Variants in ARL15 observed in about 807,000 individuals in gnomAD.
ARL15 encodes the protein ARF like GTPase 15.
ARL15 carries 19 observed loss-of-function variants against 25.2 expected under a neutral mutation model. The observed-to-expected ratio is 0.75, with a 90% CI of 0.53 to 1.10. The LOEUF is 1.10. Ranked by LOEUF, ARL15 falls within the 50% of genes least tolerant of loss-of-function variation. The probability of loss-of-function intolerance (pLI) is 0.00; values close to 1 mark genes in which losing one functional copy is unlikely to be tolerated. For missense variants in ARL15, 220 were observed against 246.0 expected, an observed-to-expected ratio of 0.89 and a Z score of 0.71; for synonymous variants, 94 against 86.8, an observed-to-expected ratio of 1.08 and a Z score of -0.46.
At chr5:54,019,051 T>A (rs1749509895) in intron 4 of ARL15, among the ~76,000 whole-genome samples, 1 of 152,186 alleles carries the variant, frequency 6.6e-6, no homozygotes, top group Non-Finnish European at 1.5e-5. Context: ...TGCATTGGCA[T>A]CTTAACTACT....
chr5:54,089,758 A>G (rs1180235937), intron 4 of ARL15, among the ~76,000 whole-genome samples: 2 of 152,150 alleles, frequency 1.3e-5, no homozygotes, highest in Non-Finnish European at 2.9e-5. Flanking sequence ...GATGAAAGAA[A>G]TTTTCATCTG....
intron 4 of ARL15, among the ~76,000 whole-genome samples, chr5:54,083,269 G>C (rs1042674250): frequency 6.6e-6 from 1 of 152,194 alleles, no homozygotes; most frequent in South Asian, 2.1e-4. Context: ...TGTTGAGTGT[G>C]TAGCAAATAC....
intron 4 of ARL15, among the ~76,000 whole-genome samples, chr5:54,036,067 T>C (rs1255996539): frequency 6.6e-6 from 1 of 151,958 alleles, no homozygotes; most frequent in Admixed American, 6.6e-5. Context: ...GGAGGATCAC[T>C]TGAGCCCAGG....
chr5:53,953,367 C>T (rs1280152194), intron 4 of ARL15, among the ~76,000 whole-genome samples: 1 of 152,100 alleles, frequency 6.6e-6, no homozygotes, highest in Non-Finnish European at 1.5e-5. Context: ...TAGTAGGGAG[C>T]TCAGAGAATC....
At chr5:54,190,847 C>T (rs1011924839) in intron 1 of ARL15, among the ~76,000 whole-genome samples, 5 of 152,274 alleles carry the variant, frequency 3.3e-5, no homozygotes, top group African/African-American at 9.6e-5. Context: ...AACCCTTGTA[C>T]ACTGTTGGGA....
chr5:54,045,130 G>A (rs577489105), intron 4 of ARL15, among the ~76,000 whole-genome samples: 1 of 152,196 alleles, frequency 6.6e-6, no homozygotes, highest in East Asian at 1.9e-4. Flanking sequence ...TACCTTACCT[G>A]TACCAAACGT....
chr5:53,890,355 T>TATTTTTTATGATGGACATACA (rs1744672742), intron 4 of ARL15, among the ~76,000 whole-genome samples: 1 of 152,344 alleles, frequency 6.6e-6, no homozygotes, highest in Admixed American at 6.5e-5. Flanking sequence ...TGCAATGATC[T>TATTTTTTATGATGGACATACA]ATTTTTTATG....
At chr5:54,086,633 C>G (rs1351010017) in intron 4 of ARL15, among the ~76,000 whole-genome samples, 1 of 152,032 alleles carries the variant, frequency 6.6e-6, no homozygotes, top group African/African-American at 2.4e-5. Context: ...CCTCTACCTG[C>G]TATTAGTTAA....
intron 4 of ARL15, among the ~76,000 whole-genome samples, chr5:54,073,959 T>C (rs1178420741): frequency 6.6e-6 from 1 of 152,198 alleles, no homozygotes; most frequent in East Asian, 1.9e-4. Context: ...GGAGACTGGG[T>C]GGGGTCCCGT....
intron 3 of ARL15, among the ~76,000 whole-genome samples, chr5:54,127,862 C>A (rs1370389779): frequency 6.6e-6 from 1 of 151,468 alleles, no homozygotes; most frequent in African/African-American, 2.4e-5. Flanking sequence ...AGAAATAATG[C>A]CGCATATCTA....
intron 4 of ARL15, among the ~76,000 whole-genome samples, chr5:53,981,621 C>A (rs935718022): frequency 6.6e-6 from 1 of 152,084 alleles, no homozygotes; most frequent in African/African-American, 2.4e-5. Context: ...TCATGCGGGG[C>A]GCAGTAGCTC....
At chr5:54,244,659 AG>A (rs1230404749) in intron 1 of ARL15, among the ~76,000 whole-genome samples, 1 of 152,216 alleles carries the variant, frequency 6.6e-6, no homozygotes, top group Non-Finnish European at 1.5e-5. Flanking sequence ...TTTGATAGAA[AG>A]GCCATTCTAC....
intron 4 of ARL15, among the ~76,000 whole-genome samples, chr5:54,092,076 C>CACACACACACACA (rs751612273): frequency 1.8e-5 from 2 of 114,132 alleles, no homozygotes; most frequent in Non-Finnish European, 3.9e-5. Flanking sequence ...ACACACACCA[C>CACACACACACACA]CACCACCACC....
At chr5:54,086,904 G>A (rs10069374) in intron 4 of ARL15, among the ~76,000 whole-genome samples, 22,897 of 152,172 alleles carry the variant, frequency 0.15, 2,060 homozygotes, top group African/African-American at 0.24. Flanking sequence ...TGGGAGAGAC[G>A]AGGAATTTAT....
chr5:54,254,103 A>C (rs1416534625), intron 1 of ARL15, among the ~76,000 whole-genome samples: 2 of 152,224 alleles, frequency 1.3e-5, no homozygotes, highest in Non-Finnish European at 2.9e-5. Flanking sequence ...CAAAATTAAG[A>C]CAATCTTTTG....
At chr5:53,924,273 T>C (rs183114158) in intron 4 of ARL15, among the ~76,000 whole-genome samples, 6 of 152,332 alleles carry the variant, frequency 3.9e-5, no homozygotes, top group Admixed American at 3.3e-4. Context: ...TTTACTTTTA[T>C]TAGCTTAAAA....
chr5:54,222,131 A>G (rs982225488), intron 1 of ARL15, among the ~76,000 whole-genome samples: 31 of 152,224 alleles, frequency 2.0e-4, no homozygotes, highest in East Asian at 3.8e-4. Flanking sequence ...TTGAACCCCA[A>G]TGAATCTTGC....
Position 54,003,658 on chromosome 5 carries a change from T to TTATA in ARL15, c.462+109543_462+109544insTATA, listed in dbSNP as rs1253734153. On this transcript the variant is annotated intron_variant, in intron 4 of 4. Transcript: ENST00000504924. ...GTCAGAATGTCAGTCAGAAAATATT[T>TTATA]TCTTTCTATCTATCTATCTATCTAT... is the stretch of plus-strand genomic sequence containing the variant. Among the ~76,000 whole-genome samples, 519 of 134,100 alleles carry TTATA rather than the reference T, an allele frequency of 3.9e-3. 1 individual carries two copies. The highest frequency in any genetic ancestry group is 0.023 in the East Asian group (102 of 4,488). The allele number at this position is 134,100 out of a possible 152,430, so 88.0% of individuals were successfully genotyped here.
intron 1 of ARL15, among the ~76,000 whole-genome samples, chr5:54,262,223 CA>C (rs1297316097): frequency 6.6e-6 from 1 of 152,148 alleles, no homozygotes; most frequent in Non-Finnish European, 1.5e-5. Flanking sequence ...AGATCCAAGC[CA>C]CCATGTAAAC....
Sources: gnomAD v4.1 joint callset for allele counts (sites outside exome capture counted in the v4.1 genomes callset) on GRCh38, gnomAD v4.1.1 for gene constraint, MANE v1.5 for transcripts, NCBI Gene and HGNC (gene_info 2026-07-23, HGNC 2026-07-21) for gene names.